The following ZMAT4 variants were observed in gnomAD, a reference collection of about 807,000 sequenced individuals.
The protein encoded by ZMAT4 is zinc finger matrin-type 4.
In ZMAT4, 17 loss-of-function variants were observed where a neutral mutation model predicts 28.7. The ratio of observed to expected loss-of-function variants is 0.59; its 90% CI spans 0.41 to 0.89. The LOEUF (loss-of-function observed/expected upper bound fraction) is 0.89, where lower values mean the gene tolerates loss of function less well. Among genes scored for constraint, ZMAT4 ranks in the 40% least tolerant of loss-of-function variants. ZMAT4 has a pLI of 0.00. For missense variants in ZMAT4, 240 were observed against 283.8 expected (o/e 0.85, Z 1.11); for synonymous variants, 117 against 109.2 (o/e 1.07, Z -0.44).
intron 2 of ZMAT4, among the ~76,000 whole-genome samples, chr8:40,785,096 G>C (rs549924930): frequency 6.6e-6 from 1 of 152,308 alleles, no homozygotes; most frequent in South Asian, 2.1e-4. Context: ...CTAAGCGTTT[G>C]CTGATTCTCA....
chr8:40,621,402 G>A (rs1463146545), intron 5 of ZMAT4, among the ~76,000 whole-genome samples: 1 of 152,174 alleles, frequency 6.6e-6, no homozygotes, highest in Non-Finnish European at 1.5e-5. Context: ...CTGAGAGTAG[G>A]ATACAGTTCC....
chr8:40,582,324 T>C (rs1404586806), intron 5 of ZMAT4, among the ~76,000 whole-genome samples: 1 of 152,096 alleles, frequency 6.6e-6, no homozygotes, highest in Non-Finnish European at 1.5e-5. Flanking sequence ...CACATGGCAA[T>C]ATCTGGTCTC....
chr8:40,686,593 A>C (rs574959611), intron 4 of ZMAT4, among the ~76,000 whole-genome samples: 1 of 152,296 alleles, frequency 6.6e-6, no homozygotes, highest in East Asian at 1.9e-4. Context: ...GTGCCACTGC[A>C]TTCCAGCTTG....
At chr8:40,846,742 C>A (rs1816914391) in intron 1 of ZMAT4, among the ~76,000 whole-genome samples, 2 of 152,184 alleles carry the variant, frequency 1.3e-5, no homozygotes, top group African/African-American at 4.8e-5. Context: ...ACAGCTGCTG[C>A]AAACGTGTAT....
intron 1 of ZMAT4, among the ~76,000 whole-genome samples, chr8:40,881,220 T>A (rs898774218): frequency 4.0e-5 from 6 of 151,438 alleles, no homozygotes; most frequent in African/African-American, 1.5e-4. Flanking sequence ...TCTACAAAAA[T>A]TTGTAGAAAC....
At chr8:40,615,991 A>T (rs1311578737) in intron 5 of ZMAT4, among the ~76,000 whole-genome samples, 1 of 152,246 alleles carries the variant, frequency 6.6e-6, no homozygotes, top group African/African-American at 2.4e-5. Flanking sequence ...TACTCATCTG[A>T]AAAAGGGCTA....
intron 3 of ZMAT4, among the ~76,000 whole-genome samples, chr8:40,754,373 C>T (rs1364764215): frequency 1.3e-5 from 2 of 152,046 alleles, no homozygotes; most frequent in Non-Finnish European, 2.9e-5. Context: ...TCCTTCTTTC[C>T]TCTCCTCTGT....
At chr8:40,819,635 G>A (rs567259659) in intron 2 of ZMAT4, among the ~76,000 whole-genome samples, 1 of 152,242 alleles carries the variant, frequency 6.6e-6, no homozygotes, top group Admixed American at 6.5e-5. Context: ...GGAGGGACGA[G>A]GATGCCTAAC....
chr8:40,830,827 G>T (rs1816254188), intron 1 of ZMAT4, among the ~76,000 whole-genome samples: 1 of 152,162 alleles, frequency 6.6e-6, no homozygotes, highest in Admixed American at 6.5e-5. Flanking sequence ...GTGGTTGCTT[G>T]CCAACTAGGT....
chr8:40,535,135 G>A (rs967229632), intron 6 of ZMAT4, among the ~76,000 whole-genome samples: 5 of 152,128 alleles, frequency 3.3e-5, no homozygotes, highest in East Asian at 1.9e-4. Flanking sequence ...AATGTGGCGC[G>A]ACATAGAACT....
intron 2 of ZMAT4, among the ~76,000 whole-genome samples, chr8:40,797,660 T>C (rs914159938): frequency 2.0e-5 from 3 of 152,146 alleles, no homozygotes; most frequent in African/African-American, 7.2e-5. Flanking sequence ...TTGAGATATC[T>C]ACCACTTGAC....
intron 5 of ZMAT4, among the ~76,000 whole-genome samples, chr8:40,649,781 C>A (rs1807544650): frequency 6.6e-6 from 1 of 152,098 alleles, no homozygotes; most frequent in South Asian, 2.1e-4. Flanking sequence ...TCACTCAAAA[C>A]CGCTCAACTA....
At chr8:40,606,885 G>A (rs955415060) in intron 5 of ZMAT4, among the ~76,000 whole-genome samples, 3 of 151,934 alleles carry the variant, frequency 2.0e-5, no homozygotes, top group African/African-American at 4.8e-5. Context: ...CTTCTTGGAG[G>A]CTTTGTTCAT....
At chr8:40,852,860 A>C (rs956788908) in intron 1 of ZMAT4, among the ~76,000 whole-genome samples, 5 of 152,336 alleles carry the variant, frequency 3.3e-5, no homozygotes, top group Admixed American at 3.3e-4. Flanking sequence ...AAAAGCCTTT[A>C]AGATTTGGGA....
intron 2 of ZMAT4, among the ~76,000 whole-genome samples, chr8:40,770,878 T>C (rs1336242246): frequency 6.6e-6 from 1 of 152,162 alleles, no homozygotes; most frequent in East Asian, 1.9e-4. Flanking sequence ...TGTCTTCCTC[T>C]AACTGGCTCC....
intron 5 of ZMAT4, among the ~76,000 whole-genome samples, chr8:40,649,946 A>G (rs1421986061): frequency 6.6e-6 from 1 of 151,980 alleles, no homozygotes; most frequent in African/African-American, 2.4e-5. Flanking sequence ...GGAAATTTAT[A>G]GCACTAAATG....
At chr8:40,691,925 G>C (rs563381523) in intron 4 of ZMAT4, among the ~76,000 whole-genome samples, 2 of 152,224 alleles carry the variant, frequency 1.3e-5, no homozygotes, top group South Asian at 4.1e-4. Flanking sequence ...TACAAAGAAA[G>C]GAGTTTTGTA....
chr8:40,834,214 G>C (rs893618455), intron 1 of ZMAT4, among the ~76,000 whole-genome samples: 1 of 152,168 alleles, frequency 6.6e-6, no homozygotes, highest in Non-Finnish European at 1.5e-5. Flanking sequence ...ATGACATCTG[G>C]GAAGCAGAGC....
chr8:40,869,472 G>A (rs1478805086), intron 1 of ZMAT4, among the ~76,000 whole-genome samples: 3 of 152,188 alleles, frequency 2.0e-5, no homozygotes, highest in Admixed American at 2.0e-4. Flanking sequence ...CACTATGGCT[G>A]GATTTGGCTA....
Sources: gnomAD v4.1 joint callset for allele counts (sites outside exome capture counted in the v4.1 genomes callset) on GRCh38, gnomAD v4.1.1 for gene constraint, MANE v1.5 for transcripts, NCBI Gene and HGNC (gene_info 2026-07-23, HGNC 2026-07-21) for gene names.